Variants in RABGAP1L observed in about 807,000 individuals in gnomAD.
RABGAP1L encodes the protein RAB GTPase activating protein 1 like, also known as rab GTPase-activating protein 1-like.
Under a neutral mutation model 137.7 loss-of-function variants are expected in RABGAP1L, and 63 were observed. The observed-to-expected ratio is 0.46, with a 90% CI of 0.37 to 0.56. RABGAP1L has a LOEUF of 0.56. Ranked by LOEUF, RABGAP1L falls within the 20% of genes least tolerant of loss-of-function variation. RABGAP1L has a pLI of 0.00. For missense variants in RABGAP1L, 1,095 were observed against 1,244.0 expected, an observed-to-expected ratio of 0.88 and a Z score of 1.80; for synonymous variants, 431 against 433.7, an observed-to-expected ratio of 0.99 and a Z score of 0.08.
chr1:174,663,917 C>A (rs1385051199), intron 14 of RABGAP1L, among the ~76,000 whole-genome samples: 1 of 152,078 alleles, frequency 6.6e-6, no homozygotes, highest in Non-Finnish European at 1.5e-5. Flanking sequence ...GAAATGTTCC[C>A]TAGGTGCAGT....
chr1:174,369,397 C>G (rs527622766), intron 11 of RABGAP1L, among the ~76,000 whole-genome samples: 1 of 152,068 alleles, frequency 6.6e-6, no homozygotes, highest in African/African-American at 2.4e-5. Context: ...TACCATGTTG[C>G]CCAGGCTGGT....
Position 174,932,205 on chromosome 1 carries a change from T to TA in RABGAP1L, c.2341-25250dup, listed in dbSNP as rs1226494218. ...CGCTCCAGGAAGTGATCCTTTTCTC[T>TA]AAGGTTTTCAAAGAGGGATGTTTAT... is the stretch of plus-strand genomic sequence containing the variant. On this transcript the variant is annotated intron_variant, in intron 19 of 25. Transcript: ENST00000681986. Among the ~76,000 whole-genome samples, 5 of 151,670 alleles carry TA rather than the reference T, an allele frequency of 3.3e-5. No homozygotes were observed. In the East Asian group the frequency reaches 9.7e-4, roughly 29 times the overall value.
chr1:174,460,163 A>G (rs1204149110), intron 13 of RABGAP1L, among the ~76,000 whole-genome samples: 2 of 152,114 alleles, frequency 1.3e-5, no homozygotes, highest in Non-Finnish European at 2.9e-5. Flanking sequence ...TAAAAGGATG[A>G]GTTATAGCAA....
chr1:174,632,576 G>T (rs531250900), intron 13 of RABGAP1L, among the ~76,000 whole-genome samples: 4 of 150,186 alleles, frequency 2.7e-5, no homozygotes, highest in Non-Finnish European at 5.9e-5. Flanking sequence ...ATATTTCTTG[G>T]AGGCTTTGCT....
intron 13 of RABGAP1L, among the ~76,000 whole-genome samples, chr1:174,635,591 A>T (rs188296456): frequency 6.6e-6 from 1 of 152,330 alleles, no homozygotes; most frequent in East Asian, 1.9e-4. Flanking sequence ...TACCTTGGCA[A>T]ATATAAATTT....
chr1:174,676,259 G>A (rs1572769229), intron 14 of RABGAP1L, among the ~76,000 whole-genome samples: 1 of 152,062 alleles, frequency 6.6e-6, no homozygotes, highest in African/African-American at 2.4e-5. Flanking sequence ...GAATAGATTT[G>A]CTGAGTGTAG....
intron 10 of RABGAP1L, among the ~76,000 whole-genome samples, chr1:174,282,871 A>C (rs527704856): frequency 6.6e-6 from 1 of 152,212 alleles, no homozygotes; most frequent in Non-Finnish European, 1.5e-5. Flanking sequence ...TCTTTTATCT[A>C]TAGAATTAGT....
intron 19 of RABGAP1L, among the ~76,000 whole-genome samples, chr1:174,816,581 G>T (rs1344092652): frequency 6.6e-6 from 1 of 152,066 alleles, no homozygotes; most frequent in African/African-American, 2.4e-5. Flanking sequence ...TACCATTCCT[G>T]TTGGTCAGAA....
At chr1:174,339,807 A>G (rs779502339) in intron 11 of RABGAP1L, among the ~76,000 whole-genome samples, 8 of 151,954 alleles carry the variant, frequency 5.3e-5, no homozygotes, top group Non-Finnish European at 5.9e-5. Context: ...GGGTTTTGCT[A>G]TGTTGGCTAT....
Position 174,939,345 on chromosome 1 carries a change from G to A in RABGAP1L, c.2341-18112G>A, listed in dbSNP as rs551916304. Among the ~76,000 whole-genome samples, 3 of 152,122 alleles carry A rather than the reference G, an allele frequency of 2.0e-5. No individual in the cohort carries two copies. The East Asian group carries it at 5.8e-4, about 29-fold the overall frequency. ...CTGAGGCAGGCAAATCACTTCAGATGAGGAATTTGAGACCAGCCTGGCCAA... is the reference window on the plus strand; with the variant it reads ...CTGAGGCAGGCAAATCACTTCAGATAAGGAATTTGAGACCAGCCTGGCCAA... On this transcript the variant is annotated intron_variant, in intron 19 of 25. Coordinates refer to ENST00000681986, the MANE Select transcript of RABGAP1L (RefSeq NM_001366446.1).
intron 12 of RABGAP1L, among the ~76,000 whole-genome samples, chr1:174,392,692 C>T (rs1647295801): frequency 6.6e-6 from 1 of 152,066 alleles, no homozygotes; most frequent in South Asian, 2.1e-4. Context: ...AATATATTTT[C>T]AGAGGAAGGT....
intron 7 of RABGAP1L, among the ~76,000 whole-genome samples, chr1:174,264,182 T>C (rs1673842288): frequency 6.6e-6 from 1 of 152,146 alleles, no homozygotes; most frequent in South Asian, 2.1e-4. Context: ...CATATTTTAA[T>C]AAATTTACTC....
At chr1:174,305,973 T>C (rs1413436754) in intron 11 of RABGAP1L, among the ~76,000 whole-genome samples, 1 of 152,104 alleles carries the variant, frequency 6.6e-6, no homozygotes, top group African/African-American at 2.4e-5. Context: ...GTCCAAGTGT[T>C]CTCATTGTTC....
intron 3 of RABGAP1L, among the ~76,000 whole-genome samples, chr1:174,221,501 C>T (rs1020715285): frequency 1.2e-4 from 19 of 152,086 alleles, no homozygotes; most frequent in African/African-American, 4.6e-4. Context: ...TGCCTTTTTG[C>T]TCAGTTTCAC....
rs1666476787 is a variant in RABGAP1L at position 174,550,999 on chromosome 1, C to CATATACATATATATATATAT, written c.1711-86371_1711-86370insCATATATATATATATATATA. ...GTATATATACATATATATATATACA[C>CATATACATATATATATATAT]ATATATATATATATATATATATACA... On this transcript the variant is annotated intron_variant, in intron 13 of 25. Coordinates refer to ENST00000681986, the MANE Select transcript of RABGAP1L (RefSeq NM_001366446.1). 1.0e-4 allele frequency among the ~76,000 whole-genome samples: 9 copies of CATATACATATATATATATAT among 86,348 alleles called. 1 individual carries two copies. The highest frequency in any genetic ancestry group is 7.5e-4 in the African/African-American group (9 of 12,060). The allele number at this position is 86,348 out of a possible 152,430, so 56.6% of individuals were successfully genotyped here. A position where few individuals can be genotyped will look rare whatever the true frequency, so the allele number is the denominator to read the frequency against.
Position 174,231,369 on chromosome 1 carries a change from TG to T in RABGAP1L, c.542+15del, listed in dbSNP as rs372269887. 774 of 1,608,630 alleles carry T rather than the reference TG, an allele frequency of 4.8e-4. 3 individuals are homozygous for T. In the African/African-American group the frequency reaches 8.0e-3, roughly 17 times the overall value. The stretch of plus-strand genomic sequence containing the variant: ...AGGTTCTGTGAGGTAAGCTCTAATT[TG>T]TTTTTCTTTAGACACATATTAAGTC... On this transcript the variant is annotated intron_variant, in intron 4 of 25. Transcript: ENST00000681986.
chr1:174,573,660 C>T (rs1393652668), intron 13 of RABGAP1L, among the ~76,000 whole-genome samples: 3 of 151,316 alleles, frequency 2.0e-5, no homozygotes, highest in Non-Finnish European at 4.4e-5. Context: ...TTTCTTTCTG[C>T]TTCTGAAATG....
intron 7 of RABGAP1L, among the ~76,000 whole-genome samples, chr1:174,260,895 C>G (rs1381964496): frequency 5.3e-5 from 8 of 149,784 alleles, no homozygotes; most frequent in Non-Finnish European, 8.8e-5. Context: ...AGTGCTCTGT[C>G]TAGTTGATTT....
intron 13 of RABGAP1L, among the ~76,000 whole-genome samples, chr1:174,588,129 G>T (rs1311851486): frequency 6.6e-6 from 1 of 151,916 alleles, no homozygotes; most frequent in East Asian, 1.9e-4. Flanking sequence ...GCTTCCAAAA[G>T]TGCTGGGATT....
Sources: gnomAD v4.1 joint callset for allele counts (sites outside exome capture counted in the v4.1 genomes callset) on GRCh38, gnomAD v4.1.1 for gene constraint, MANE v1.5 for transcripts, NCBI Gene and HGNC (gene_info 2026-07-23, HGNC 2026-07-21) for gene names.